Variants in MGAT4C observed in about 807,000 individuals in gnomAD.
MGAT4C encodes MGAT4 family member C.
In MGAT4C, 19 loss-of-function variants were observed where a neutral mutation model predicts 40.1. That is an observed-to-expected ratio of 0.47 (90% CI 0.33 to 0.70). MGAT4C has a LOEUF of 0.70. Ranked by LOEUF, MGAT4C falls within the 30% of genes least tolerant of loss-of-function variation. The pLI is 0.02. For missense variants in MGAT4C, 491 were observed against 563.2 expected (o/e 0.87, Z 1.30); for synonymous variants, 181 against 187.1 (o/e 0.97, Z 0.27).
At chr12:86,488,172 C>T (rs1346054655) in intron 2 of MGAT4C, among the ~76,000 whole-genome samples, 2 of 151,376 alleles carry the variant, frequency 1.3e-5, no homozygotes, top group African/African-American at 4.9e-5. Flanking sequence ...ATAGTGTGGA[C>T]CTACAACATA....
intron 1 of MGAT4C, among the ~76,000 whole-genome samples, chr12:86,215,655 A>G (rs1427266663): frequency 2.0e-5 from 3 of 151,250 alleles, no homozygotes; most frequent in Non-Finnish European, 3.0e-5. Context: ...TGCTGTGGGG[A>G]GCTCTCTGAA....
rs183202375 is a variant in MGAT4C at position 86,179,104 on chromosome 12, A to T, written c.-57+77135T>A. Among the ~76,000 whole-genome samples the T allele has an allele frequency of 4.6e-5, 7 of 152,304 alleles. No homozygotes were observed. The East Asian group carries it at 9.6e-4, about 21-fold the overall frequency. Reference sequence around the variant, plus strand: ...TTGTGGGAGGGACCTAGGAGGAGGTAATTAAATCATGGTGGCTGGTCTTTC... The same window carrying T: ...TTGTGGGAGGGACCTAGGAGGAGGTTATTAAATCATGGTGGCTGGTCTTTC... On this transcript the variant is annotated intron_variant, in intron 1 of 4. Transcript: ENST00000611864.
intron 1 of MGAT4C, among the ~76,000 whole-genome samples, chr12:86,777,358 T>A (rs898653605): frequency 6.6e-6 from 1 of 152,198 alleles, no homozygotes; most frequent in Non-Finnish European, 1.5e-5. Context: ...CTGTCACCTC[T>A]GCTTGGTTAC....
At chr12:86,706,650 G>A (rs1339487492) in intron 2 of MGAT4C, among the ~76,000 whole-genome samples, 1 of 152,052 alleles carries the variant, frequency 6.6e-6, no homozygotes, top group Non-Finnish European at 1.5e-5. Flanking sequence ...AATATAGTCT[G>A]TTATTTCAAG....
intron 3 of MGAT4C, among the ~76,000 whole-genome samples, chr12:86,356,081 A>G (rs1955302688): frequency 6.6e-6 from 1 of 152,126 alleles, no homozygotes; most frequent in South Asian, 2.1e-4. Flanking sequence ...GAAAAATTAT[A>G]TTTATATATT....
chr12:86,001,078 C>G (rs1887243482), intron 2 of MGAT4C, among the ~76,000 whole-genome samples: 1 of 152,072 alleles, frequency 6.6e-6, no homozygotes, highest in Non-Finnish European at 1.5e-5. Flanking sequence ...TCAGTTTAGC[C>G]AGAATTCCCC....
chr12:86,501,206 A>G lies in MGAT4C; in HGVS notation c.-228-65941T>C, dbSNP rs187995850. On this transcript the variant is annotated intron_variant, in intron 2 of 7. Coordinates refer to the MGAT4C transcript ENST00000548651. ...ATACATTCTGAGTTGATAGTATGGG[A>G]AAAAATATATTAAAAAGAGAAGAAG... 1.3e-3 allele frequency among the ~76,000 whole-genome samples: 195 copies of G among 148,144 alleles called. 3 individuals carry two copies. The highest frequency in any genetic ancestry group is 0.012 in the Admixed American group (178 of 15,126).
intron 3 of MGAT4C, among the ~76,000 whole-genome samples, chr12:86,359,185 G>A (rs561628999): frequency 6.7e-4 from 102 of 152,150 alleles, no homozygotes; most frequent in Middle Eastern, 3.4e-3. Flanking sequence ...ACTCAAAACC[G>A]CTCAACTACA....
intron 3 of MGAT4C, among the ~76,000 whole-genome samples, chr12:86,394,876 A>G (rs1956228831): frequency 6.6e-6 from 1 of 151,760 alleles, no homozygotes; most frequent in South Asian, 2.1e-4. Context: ...TCAGCCTCCC[A>G]AAGTGCTGGG....
chr12:86,190,821 G>T (rs573797724), intron 1 of MGAT4C, among the ~76,000 whole-genome samples: 1 of 151,830 alleles, frequency 6.6e-6, no homozygotes, highest in Non-Finnish European at 1.5e-5. Context: ...ATTTTAAGTT[G>T]ATTTAAAGCA....
chr12:86,651,623 G>A (rs954444834), intron 2 of MGAT4C, among the ~76,000 whole-genome samples: 6 of 151,806 alleles, frequency 4.0e-5, no homozygotes, highest in Non-Finnish European at 2.9e-5. Context: ...CCCACAAGAT[G>A]CCTAACATTG....
At chr12:86,258,648 GTTT>G (rs1952592319), upstream of MGAT4C, among the ~76,000 whole-genome samples, 2 of 151,916 alleles carry the variant, frequency 1.3e-5, no homozygotes. Flanking sequence ...AAGAAAGCTG[GTTT>G]TTGTTATTAA....
At chr12:86,001,129 C>T (rs1266419604) in intron 2 of MGAT4C, among the ~76,000 whole-genome samples, 1 of 152,190 alleles carries the variant, frequency 6.6e-6, no homozygotes, top group Non-Finnish European at 1.5e-5. Flanking sequence ...TCAAATTTCT[C>T]ACCCACCACT....
At chr12:86,771,676 A>G (rs1272345573) in intron 1 of MGAT4C, among the ~76,000 whole-genome samples, 1 of 144,770 alleles carries the variant, frequency 6.9e-6, no homozygotes, top group East Asian at 2.1e-4. Flanking sequence ...AAAAAAGTAC[A>G]TAAATATATA....
At chr12:86,394,538 T>C (rs1956215733) in intron 3 of MGAT4C, among the ~76,000 whole-genome samples, 1 of 145,074 alleles carries the variant, frequency 6.9e-6, no homozygotes, top group East Asian at 2.0e-4. Flanking sequence ...ATTTTATACA[T>C]ATATTTATAT....
intron 4 of MGAT4C, among the ~76,000 whole-genome samples, chr12:86,313,190 A>C (rs1954121836): frequency 6.6e-6 from 1 of 152,198 alleles, no homozygotes; most frequent in Non-Finnish European, 1.5e-5. Flanking sequence ...TTTAAAACAC[A>C]ATAAAATTAA....
intron 4 of MGAT4C, among the ~76,000 whole-genome samples, chr12:86,292,181 G>T (rs995505953): frequency 2.0e-5 from 3 of 152,054 alleles, no homozygotes; most frequent in Non-Finnish European, 4.4e-5. Flanking sequence ...TGGATGTTTG[G>T]TGGTGGTGGT....
chr12:86,762,023 A>C (rs938068648), intron 1 of MGAT4C, among the ~76,000 whole-genome samples: 3 of 151,258 alleles, frequency 2.0e-5, no homozygotes, highest in African/African-American at 7.3e-5. Flanking sequence ...GGGTCTTAAC[A>C]GGCTGAAATA....
chr12:86,003,579 T>A (rs1479477807), intron 2 of MGAT4C, among the ~76,000 whole-genome samples: 1 of 152,156 alleles, frequency 6.6e-6, no homozygotes, highest in African/African-American at 2.4e-5. Context: ...GGGAAGTAAA[T>A]TGAGATTATG....
Sources: allele counts gnomAD v4.1 joint callset (sites outside exome capture counted in the v4.1 genomes callset), GRCh38; gene constraint gnomAD v4.1.1; transcripts MANE v1.5; gene names NCBI Gene and HGNC (gene_info 2026-07-23, HGNC 2026-07-21).